CALN1: variants seen among roughly 807,000 people sequenced by gnomAD.
The protein encoded by CALN1 is calcium-binding protein 8.
CALN1 carries 17 observed loss-of-function variants against 30.6 expected under a neutral mutation model. The observed-to-expected ratio is 0.56, with a 90% confidence interval of 0.38 to 0.83. CALN1 has a LOEUF of 0.83. Among genes scored for constraint, CALN1 ranks in the 40% least tolerant of loss-of-function variants. The pLI is 0.00. For missense variants in CALN1, 291 were observed against 354.9 expected, an observed-to-expected ratio of 0.82 and a Z score of 1.45; for synonymous variants, 156 against 131.4, an observed-to-expected ratio of 1.19 and a Z score of -1.28.
At position 72,045,721 on chromosome 7, in the gene CALN1, C is replaced by T. The variant is rs1426744240; in HGVS notation, c.389-21952G>A. On this transcript the variant is annotated intron_variant, in intron 4 of 6. Coordinates refer to ENST00000395275, the MANE Select transcript of CALN1 (RefSeq NM_031468.4). The stretch of plus-strand genomic sequence containing the variant: ...TTTTTTAATTTTTTCGTAGAGAGAC[C>T]AGGTGTGGTGGCTCACACCTGTAAT... Among the ~76,000 whole-genome samples the T allele has an allele frequency of 5.3e-5, 8 of 151,996 alleles. No homozygotes were observed. The East Asian group carries it at 1.6e-3, about 29-fold the overall frequency.
chr7:72,063,556 T>C (rs1034867752), intron 4 of CALN1, among the ~76,000 whole-genome samples: 7 of 152,146 alleles, frequency 4.6e-5, no homozygotes, highest in African/African-American at 1.7e-4. Flanking sequence ...AGCCAAGAGC[T>C]CATCTTATCT....
chr7:72,239,825 G>A lies in CALN1; in HGVS notation c.244+38861C>T, dbSNP rs371888808. ...CACTTAGTACACAATGCACAGCTTC[G>A]ACTGTGCATTCCCTTACTAAAACCA... On this transcript the variant is annotated intron_variant, in intron 3 of 6. Transcript: ENST00000395275. Among the ~76,000 whole-genome samples the A allele has an allele frequency of 1.8e-3, 274 of 152,246 alleles. 7 individuals are homozygous for A. In the South Asian group the frequency reaches 0.056, roughly 31 times the overall value.
At chr7:72,369,621 A>G (rs150927866) in intron 2 of CALN1, among the ~76,000 whole-genome samples, 1,558 of 152,230 alleles carry the variant, frequency 0.01, 26 homozygotes, top group Middle Eastern at 0.027. Context: ...TCGGCCTCCC[A>G]AAGTGCTGGG....
chr7:71,930,691 TTTGAG>T (rs1272334533), intron 5 of CALN1, among the ~76,000 whole-genome samples: 1 of 152,214 alleles, frequency 6.6e-6, no homozygotes, highest in Non-Finnish European at 1.5e-5. Context: ...TTTGATCCAT[TTTGAG>T]TTAATTGTTG....
At chr7:72,114,269 GAA>G (rs1807796213) in intron 3 of CALN1, among the ~76,000 whole-genome samples, 1 of 75,174 alleles carries the variant, frequency 1.3e-5, no homozygotes, top group Non-Finnish European at 2.6e-5. Flanking sequence ...GAAGGGAAGG[GAA>G]GGGAAGGGAA....
chr7:72,035,211 T>A (rs1217903560), intron 4 of CALN1, among the ~76,000 whole-genome samples: 1 of 152,118 alleles, frequency 6.6e-6, no homozygotes, highest in Non-Finnish European at 1.5e-5. Context: ...ACCACCACCA[T>A]CCATCCTCTG....
chr7:72,236,799 A>G (rs1794500025), intron 3 of CALN1, among the ~76,000 whole-genome samples: 1 of 152,144 alleles, frequency 6.6e-6, no homozygotes, highest in African/African-American at 2.4e-5. Context: ...TGTCACATGG[A>G]AAAGACTCAA....
chr7:72,279,994 A>G (rs1797626207), intron 2 of CALN1, among the ~76,000 whole-genome samples: 1 of 152,192 alleles, frequency 6.6e-6, no homozygotes, highest in African/African-American at 2.4e-5. Flanking sequence ...CTGAAAATTA[A>G]AAGGTTTAAC....
At chr7:72,353,101 T>C (rs1803024590) in intron 2 of CALN1, among the ~76,000 whole-genome samples, 1 of 152,150 alleles carries the variant, frequency 6.6e-6, no homozygotes, top group Admixed American at 6.5e-5. Context: ...ATAATTAACC[T>C]CCTATGCCCT....
chr7:72,316,702 G>A (rs1031813635), intron 2 of CALN1, among the ~76,000 whole-genome samples: 24 of 152,080 alleles, frequency 1.6e-4, no homozygotes, highest in Non-Finnish European at 1.6e-4. Flanking sequence ...TTGGGAGGCC[G>A]AGGTGGGAGG....
At chr7:72,496,570 C>G in the CALN1 span, among the ~76,000 whole-genome samples, 7 of 152,126 alleles carry the variant, frequency 4.6e-5, no homozygotes, top group African/African-American at 1.7e-4. Flanking sequence ...TTGTTTGGGG[C>G]CTAGGGACTA....
intron 5 of CALN1, among the ~76,000 whole-genome samples, chr7:71,849,507 G>A (rs1180272550): frequency 7.0e-6 from 1 of 143,728 alleles, no homozygotes; most frequent in Non-Finnish European, 1.5e-5. Flanking sequence ...GTTAGGATTT[G>A]TTTATTAGTA....
At chr7:72,401,026 T>C (rs1806301837) in intron 2 of CALN1, among the ~76,000 whole-genome samples, 1 of 152,150 alleles carries the variant, frequency 6.6e-6, no homozygotes, top group African/African-American at 2.4e-5. Flanking sequence ...GGTGGCTCTC[T>C]TTTGAGCATG....
intron 5 of CALN1, among the ~76,000 whole-genome samples, chr7:71,913,403 T>C (rs1048549624): frequency 3.3e-5 from 5 of 152,126 alleles, no homozygotes; most frequent in African/African-American, 1.2e-4. Context: ...CAGCAACCCC[T>C]GAGGATAATA....
chr7:71,828,089 T>C (rs1474658467), intron 5 of CALN1, among the ~76,000 whole-genome samples: 1 of 152,070 alleles, frequency 6.6e-6, no homozygotes, highest in Admixed American at 6.6e-5. Context: ...TTTCCTCGGG[T>C]AAAATTATAG....
At chr7:72,398,238 C>T (rs1358857019) in intron 2 of CALN1, among the ~76,000 whole-genome samples, 1 of 152,172 alleles carries the variant, frequency 6.6e-6, no homozygotes, top group African/African-American at 2.4e-5. Context: ...GCAGGACCTT[C>T]CGTCACAAGG....
chr7:72,162,676 T>C (rs1372206024), intron 3 of CALN1, among the ~76,000 whole-genome samples: 2 of 152,078 alleles, frequency 1.3e-5, no homozygotes, highest in African/African-American at 4.8e-5. Context: ...GAGGCAGAGA[T>C]TGCAGTGAGC....
At chr7:72,214,903 T>A (rs1166409570) in intron 3 of CALN1, among the ~76,000 whole-genome samples, 1 of 151,504 alleles carries the variant, frequency 6.6e-6, no homozygotes, top group African/African-American at 2.4e-5. Context: ...TGCCTAATGA[T>A]CTGTCACCGT....
At chr7:72,215,132 G>A (rs1336108858) in intron 3 of CALN1, among the ~76,000 whole-genome samples, 1 of 152,118 alleles carries the variant, frequency 6.6e-6, no homozygotes, top group African/African-American at 2.4e-5. Flanking sequence ...CATGAAACCA[G>A]TCCCTGGTGG....
Sources: allele counts gnomAD v4.1 joint callset (sites outside exome capture counted in the v4.1 genomes callset), GRCh38; gene constraint gnomAD v4.1.1; transcripts MANE v1.5; gene names NCBI Gene and HGNC (gene_info 2026-07-23, HGNC 2026-07-21).